CRMP1: variants seen among roughly 807,000 people sequenced by gnomAD.
CRMP1 encodes collapsin response mediator protein 1.
Under a neutral mutation model 68.3 loss-of-function variants are expected in CRMP1, and 19 were observed. The ratio of observed to expected loss-of-function variants is 0.28; its 90% confidence interval spans 0.19 to 0.41. The LOEUF (loss-of-function observed/expected upper bound fraction) is 0.41. Among genes scored for constraint, CRMP1 ranks in the 10% least tolerant of loss-of-function variants. The pLI is 1.00. For synonymous variants in CRMP1, 439 were observed against 399.6 expected, an observed-to-expected ratio of 1.10 and a Z score of -1.18; for missense variants, 791 against 967.4, an observed-to-expected ratio of 0.82 and a Z score of 2.42.
At chr4:5,873,859 T>C (rs1714629410) in intron 1 of CRMP1, among the ~76,000 whole-genome samples, 1 of 152,146 alleles carries the variant, frequency 6.6e-6, no homozygotes, top group African/African-American at 2.4e-5. Context: ...AGAAGCCAGA[T>C]CTCAGGGACC....
chr4:5,842,874 G>T lies in CRMP1; in HGVS notation c.1032+219C>A, dbSNP rs931154433. On this transcript the variant is annotated intron_variant, in intron 7 of 13. Transcript: ENST00000324989. The surrounding 1 kb of genome is among the most constrained non-coding windows in gnomAD (Gnocchi z 4.5). ...GACACTGAAGCACCCACGGGGCCTT[G>T]GAGTGAAGTTCCAGGACCCTGGGAG... 3.3e-5 allele frequency among the ~76,000 whole-genome samples: 5 copies of T among 152,136 alleles called. No individual in the cohort carries two copies. Among genetic ancestry groups the T allele is most frequent in the African/African-American group, 1.2e-4 (5 of 41,434 alleles).
In CRMP1 at chr4:5,877,866, C is replaced by T. The variant is rs1018552508; in HGVS notation, c.382-11110G>A. On this transcript the variant is annotated intron_variant, in intron 1 of 13. Transcript: ENST00000324989. The surrounding 1 kb of genome is among the most constrained non-coding windows in gnomAD (Gnocchi z 4.3). ...GAATATCTGATTTTAAAACAGCACA[C>T]CTCTGTCACAACCCTAAGAGTGGGC... is the stretch of plus-strand genomic sequence containing the variant. Among the ~76,000 whole-genome samples, 24 of 152,326 alleles carry T rather than the reference C, an allele frequency of 1.6e-4. No homozygotes were observed. The highest frequency in any genetic ancestry group is 5.3e-4 in the African/African-American group (22 of 41,564).
rs1715857711 is a variant in CRMP1, at chr4:5,889,822, G to A, written c.381+2767C>T. 5.4e-6 allele frequency: 8 copies of A among 1,494,256 alleles called. No homozygotes were observed. The South Asian group carries it at 9.0e-5, about 17-fold the overall frequency. The allele number at this position is 1,494,256 out of a possible 1,614,324, so 92.6% of individuals were successfully genotyped here. A position where few individuals can be genotyped will look rare whatever the true frequency, so the allele number is the denominator to read the frequency against. ...CCAGGGGCCAGTCCCCTAATCCAGG[G>A]CAGGAGGCCAGAGACACCTGGGCCT... On this transcript the variant is annotated intron_variant, in intron 1 of 13. Coordinates refer to ENST00000324989, the MANE Select transcript of CRMP1 (RefSeq NM_001014809.3). This position sits in a 1 kb window ranked among gnomAD's most constrained non-coding sequence, Gnocchi z 4.5.
Position 5,888,854 on chromosome 4 carries a change from G to A in CRMP1, c.381+3735C>T, listed in dbSNP as rs926006372. ...TGTGGGGGGAGGGAGTGTGGGACGG[G>A]GGCCAAGGATCGGCCCAAGCTGCTG... On this transcript the variant is annotated intron_variant, in intron 1 of 13. Transcript: ENST00000324989. The surrounding 1 kb of genome is among the most constrained non-coding windows in gnomAD (Gnocchi z 6.4). Among the ~76,000 whole-genome samples, 2 of 151,860 alleles carry A rather than the reference G, an allele frequency of 1.3e-5. No homozygotes were observed. Among genetic ancestry groups the A allele is most frequent in the African/African-American group, 4.8e-5 (2 of 41,350 alleles).
chr4:5,873,662 C>A (rs1393740693), intron 1 of CRMP1, among the ~76,000 whole-genome samples: 1 of 152,208 alleles, frequency 6.6e-6, no homozygotes, highest in Non-Finnish European at 1.5e-5. Context: ...AATCACCTCC[C>A]TCCAGACCCC....
In CRMP1 at chr4:5,860,503, C is replaced by A. The variant is rs913679429; in HGVS notation, c.655+523G>T. ...ATTACTGCAGCAATACTAATACAAC[C>A]ACTTCCCAGCTGTGTCTCCTTGGGC... On this transcript the variant is annotated intron_variant, in intron 3 of 13. Coordinates refer to ENST00000324989, the MANE Select transcript of CRMP1 (RefSeq NM_001014809.3). The surrounding 1 kb of genome is among the most constrained non-coding windows in gnomAD (Gnocchi z 4.2). Among the ~76,000 whole-genome samples the A allele has an allele frequency of 6.6e-6, 1 of 152,202 alleles. No homozygotes were observed. Among genetic ancestry groups the A allele is most frequent in the African/African-American group, 2.4e-5 (1 of 41,456 alleles).
chr4:5,827,972 TAAGG>T lies in CRMP1; in HGVS notation c.1803+513_1803+516del. The T allele has an allele frequency of 4.3e-6, 4 of 924,570 alleles. No individual in the cohort carries two copies. In the South Asian group the frequency reaches 1.5e-4, roughly 34 times the overall value. The allele number at this position is 924,570 out of a possible 1,614,324, so 57.3% of individuals were successfully genotyped here. Reference sequence around the variant, plus strand: ...CAGTGCTAAGGTTGTTCAAGGAAAATAAGGAACGACAGGGCAGAAACGTCAAGGG... The same window carrying T: ...CAGTGCTAAGGTTGTTCAAGGAAAATAACGACAGGGCAGAAACGTCAAGGG... On this transcript the variant is annotated intron_variant, in intron 12 of 13. Transcript: ENST00000324989.
chr4:5,851,957 A>AAGGAGGAAGAGGAAGAGG (rs141990206), intron 4 of CRMP1, among the ~76,000 whole-genome samples: 7 of 142,066 alleles, frequency 4.9e-5, no homozygotes, highest in African/African-American at 1.6e-4. Context: ...AAGGGAGAAG[A>AAGGAGGAAGAGGAAGAGG]AGGAGGAAGA....
At chr4:5,849,267 AC>A in intron 6 of CRMP1, 124 bp downstream of exon 6, 2 of 734,500 alleles carry the variant, frequency 2.7e-6, no homozygotes, top group Non-Finnish European at 4.7e-6. Flanking sequence ...GTCTGATATG[AC>A]ACCCAGTTCC....
rs1713406813 is a variant in CRMP1, at chr4:5,859,876, T to C, written c.655+1150A>G. Among the ~76,000 whole-genome samples, 1 of 152,142 alleles carries C rather than the reference T, an allele frequency of 6.6e-6. No individual in the cohort carries two copies. The highest frequency in any genetic ancestry group is 1.5e-5 in the Non-Finnish European group (1 of 68,014). On this transcript the variant is annotated intron_variant, in intron 3 of 13. Transcript: ENST00000324989. The surrounding 1 kb of genome is among the most constrained non-coding windows in gnomAD (Gnocchi z 5.2). ...GAAGGAGCGGGAGAGATGGGCAGGG[T>C]TGGGGCCAGCTTACAGACAGGCCTC...
rs1202579862 is a variant in CRMP1 at position 5,860,998 on chromosome 4, C to T, written c.655+28G>A. On this transcript the variant is annotated intron_variant, in intron 3 of 13. Coordinates refer to ENST00000324989, the MANE Select transcript of CRMP1 (RefSeq NM_001014809.3). The surrounding 1 kb of genome is among the most constrained non-coding windows in gnomAD (Gnocchi z 4.2). The stretch of plus-strand genomic sequence containing the variant: ...GGGGAGGAGACCTCACAGTCTATGT[C>T]CCTAAGGCAGGGGACAGTGTCACTC... 1.2e-6 allele frequency: 2 copies of T among 1,609,622 alleles called. No individual in the cohort carries two copies. Among genetic ancestry groups the T allele is most frequent in the South Asian group, 1.1e-5 (1 of 90,358 alleles).
intron 6 of CRMP1, among the ~76,000 whole-genome samples, chr4:5,845,847 G>A (rs1481336544): frequency 1.3e-5 from 2 of 152,174 alleles, no homozygotes; most frequent in African/African-American, 4.8e-5. Flanking sequence ...TAGGGCCTCT[G>A]AGGACATTGA....
intron 13 of CRMP1, chr4:5,824,902 C>T: frequency 1.0e-6 from 1 of 985,416 alleles, no homozygotes; most frequent in African/African-American, 1.7e-5. Context: ...TTAAGAAAGT[C>T]AGGAGGGATC....
At chr4:5,856,110 T>TC (rs777684882) in intron 4 of CRMP1, 33 bp downstream of exon 4, 1 of 1,609,676 alleles carries the variant, frequency 6.2e-7, no homozygotes, top group South Asian at 1.1e-5. Flanking sequence ...AACAAGGGAT[T>TC]CCCCAAAACC....
chr4:5,849,507 T>TA (rs397878338), intron 5 of CRMP1, 35 bp from the exon 6 acceptor site: 78,396 of 1,150,722 alleles, frequency 0.068, 128 homozygotes, highest in Non-Finnish European at 0.076. Flanking sequence ...GTGTGAGATT[T>TA]AAAAAAAAAA....
In CRMP1 at chr4:5,889,772, G is replaced by T; in HGVS notation, c.381+2817C>A. On this transcript the variant is annotated intron_variant, in intron 1 of 13. Transcript: ENST00000324989. This position sits in a 1 kb window ranked among gnomAD's most constrained non-coding sequence, Gnocchi z 4.5. ...CAGCTCCCCCAGCACTGTGGTTGGG[G>T]GCTGGGGCCCTGACCTTCACCACCC... The T allele has an allele frequency of 3.3e-6, 5 of 1,532,498 alleles. No individual in the cohort carries two copies. The South Asian group carries it at 4.8e-5, about 15-fold the overall frequency. 94.9% of individuals were successfully genotyped at this position (1,532,498 alleles called of 1,614,324 possible).
In CRMP1 at chr4:5,872,830, A is replaced by T. The variant is rs1371838366; in HGVS notation, c.382-6074T>A. On this transcript the variant is annotated intron_variant, in intron 1 of 13. Coordinates refer to ENST00000324989, the MANE Select transcript of CRMP1 (RefSeq NM_001014809.3). The surrounding 1 kb of genome is among the most constrained non-coding windows in gnomAD (Gnocchi z 4.6). The stretch of plus-strand genomic sequence containing the variant: ...GCGACAGCAATGACCTTTAGAGCAA[A>T]TCATGTTCTTGTGTCAGCACCACTT... Among the ~76,000 whole-genome samples, 1 of 152,240 alleles carries T rather than the reference A, an allele frequency of 6.6e-6. No homozygotes were observed. Among genetic ancestry groups the T allele is most frequent in the Non-Finnish European group, 1.5e-5 (1 of 68,050 alleles).
At chr4:5,871,577 A>G (rs1028274001) in intron 1 of CRMP1, among the ~76,000 whole-genome samples, 12 of 152,062 alleles carry the variant, frequency 7.9e-5, no homozygotes, top group Non-Finnish European at 1.5e-4. Flanking sequence ...GGAGAATGGC[A>G]TGAACAAGGG....
chr4:5,827,245 G>T (rs1243163547), intron 12 of CRMP1, among the ~76,000 whole-genome samples: 1 of 152,196 alleles, frequency 6.6e-6, no homozygotes. Flanking sequence ...CCAGCCAAGG[G>T]GTGTGTCTGC....
Sources: gnomAD v4.1 joint callset for allele counts (sites outside exome capture counted in the v4.1 genomes callset) on GRCh38, gnomAD v4.1.1 for gene constraint, Gnocchi (gnomAD v3.1) non-coding constraint, MANE v1.5 for transcripts, NCBI Gene and HGNC (gene_info 2026-07-23, HGNC 2026-07-21) for gene names.